SCAPER: variants seen among roughly 807,000 people sequenced by gnomAD.
SCAPER encodes the protein S phase cyclin A-associated protein in the endoplasmic reticulum.
SCAPER carries 98 observed loss-of-function variants against 182.2 expected under a neutral mutation model. The observed-to-expected ratio is 0.54, with a 90% CI of 0.46 to 0.64. The LOEUF (loss-of-function observed/expected upper bound fraction) is 0.64, where lower values mean the gene tolerates loss of function less well. Among genes scored for constraint, SCAPER ranks in the 30% least tolerant of loss-of-function variants. The pLI is 0.00. For synonymous variants in SCAPER, 605 were observed against 564.6 expected, an observed-to-expected ratio of 1.07 and a Z score of -1.01; for missense variants, 1,432 against 1,690.0, an observed-to-expected ratio of 0.85 and a Z score of 2.68.
intron 15 of SCAPER, among the ~76,000 whole-genome samples, chr15:76,733,890 T>C (rs2061075728): frequency 6.6e-6 from 1 of 152,208 alleles, no homozygotes; most frequent in Non-Finnish European, 1.5e-5. Context: ...AAATGGATAA[T>C]AATCCAGTGT....
intron 13 of SCAPER, 61 bp from the exon 14 acceptor site, chr15:76,765,133 G>A: frequency 1.6e-6 from 2 of 1,264,680 alleles, no homozygotes; most frequent in Non-Finnish European, 2.2e-6. Context: ...GCCAGAAAAA[G>A]TGTTCTTTAG....
intron 15 of SCAPER, among the ~76,000 whole-genome samples, chr15:76,748,084 G>A (rs1017429952): frequency 6.6e-6 from 1 of 150,734 alleles, no homozygotes; most frequent in Non-Finnish European, 1.5e-5. Context: ...TCCGCCTCCC[G>A]GGTTCAAGCC....
chr15:76,741,845 C>T (rs769432752), intron 15 of SCAPER, among the ~76,000 whole-genome samples: 29 of 152,060 alleles, frequency 1.9e-4, no homozygotes, highest in Non-Finnish European at 3.8e-4. Flanking sequence ...ATGAGTTCCA[C>T]TCAATACAAG....
At chr15:76,394,939 T>C (rs918182466) in intron 27 of SCAPER, among the ~76,000 whole-genome samples, 2 of 152,202 alleles carry the variant, frequency 1.3e-5, no homozygotes, top group African/African-American at 4.8e-5. Flanking sequence ...TTTAGTCTTA[T>C]TCATTCTAAC....
At chr15:76,720,143 T>C (rs1471232945) in intron 17 of SCAPER, among the ~76,000 whole-genome samples, 1 of 144,328 alleles carries the variant, frequency 6.9e-6, no homozygotes, top group Non-Finnish European at 1.5e-5. Context: ...TGCGTTCTCA[T>C]TATTCAATTC....
intron 8 of SCAPER, among the ~76,000 whole-genome samples, chr15:76,779,347 T>C (rs1193345353): frequency 2.0e-5 from 3 of 152,002 alleles, no homozygotes; most frequent in African/African-American, 7.2e-5. Context: ...ATGTTCACAA[T>C]AGGAATTAAA....
chr15:76,768,990 G>T (rs1439607343), intron 10 of SCAPER, among the ~76,000 whole-genome samples: 1 of 152,156 alleles, frequency 6.6e-6, no homozygotes, highest in African/African-American at 2.4e-5. Flanking sequence ...TATGTTGAGT[G>T]AAAGAAGTCA....
intron 5 of SCAPER, among the ~76,000 whole-genome samples, chr15:76,836,216 A>T (rs2068938065): frequency 6.6e-6 from 1 of 152,176 alleles, no homozygotes; most frequent in African/African-American, 2.4e-5. Flanking sequence ...AATTCAAAAA[A>T]ACTATTCTAA....
At chr15:76,711,314 T>A (rs1028097621) in intron 17 of SCAPER, among the ~76,000 whole-genome samples, 7 of 152,094 alleles carry the variant, frequency 4.6e-5, no homozygotes, top group African/African-American at 1.7e-4. Flanking sequence ...CCAGAACATA[T>A]AAAGAATTCT....
At chr15:76,523,872 T>C (rs533274891) in intron 23 of SCAPER, among the ~76,000 whole-genome samples, 13 of 151,478 alleles carry the variant, frequency 8.6e-5, no homozygotes, top group Non-Finnish European at 1.6e-4. Flanking sequence ...ATCCCAATTG[T>C]TGTGTGTAAC....
chr15:76,417,108 G>A (rs1230428913), intron 26 of SCAPER, among the ~76,000 whole-genome samples: 1 of 151,662 alleles, frequency 6.6e-6, no homozygotes, highest in Non-Finnish European at 1.5e-5. Flanking sequence ...CATTATAAAA[G>A]AGTATTTATA....
chr15:76,681,638 A>G (rs2147000534), intron 20 of SCAPER, among the ~76,000 whole-genome samples: 1 of 152,330 alleles, frequency 6.6e-6, no homozygotes, highest in East Asian at 1.9e-4. Flanking sequence ...ACTGAGAACC[A>G]GGACTGGTTC....
At chr15:76,761,907 T>C (rs2062810432) in intron 14 of SCAPER, among the ~76,000 whole-genome samples, 1 of 152,236 alleles carries the variant, frequency 6.6e-6, no homozygotes, top group Non-Finnish European at 1.5e-5. Flanking sequence ...GTTATTGTAT[T>C]GCTGCCAATT....
At chr15:76,351,175 G>T in intron 31 of SCAPER, 62 bp downstream of exon 31, 1 of 1,440,330 alleles carries the variant, frequency 6.9e-7, no homozygotes, top group Non-Finnish European at 9.5e-7. Flanking sequence ...CCAGAGGAAA[G>T]GATAAGAAAG....
intron 4 of SCAPER, among the ~76,000 whole-genome samples, chr15:76,850,208 A>C (rs1017180025): frequency 1.3e-5 from 2 of 152,358 alleles, no homozygotes; most frequent in African/African-American, 4.8e-5. Context: ...CTATGAAACC[A>C]TCCAGAATGG....
chr15:76,464,616 T>G (rs1162065930), intron 25 of SCAPER, among the ~76,000 whole-genome samples: 1 of 152,184 alleles, frequency 6.6e-6, no homozygotes, highest in Admixed American at 6.5e-5. Context: ...AAGAGTCAAT[T>G]GTATATGCCA....
At chr15:76,543,111 G>A (rs2044925815) in intron 23 of SCAPER, among the ~76,000 whole-genome samples, 1 of 152,036 alleles carries the variant, frequency 6.6e-6, no homozygotes, top group Non-Finnish European at 1.5e-5. Context: ...AATACAGTTT[G>A]TAGAATGTCA....
At chr15:76,723,633 T>A (rs1425671733) in intron 17 of SCAPER, among the ~76,000 whole-genome samples, 2 of 152,248 alleles carry the variant, frequency 1.3e-5, no homozygotes, top group Non-Finnish European at 2.9e-5. Flanking sequence ...GGTGCATGTA[T>A]ATTTAGGATA....
chr15:76,713,259 C>T (rs2059691322), intron 17 of SCAPER, among the ~76,000 whole-genome samples: 1 of 152,042 alleles, frequency 6.6e-6, no homozygotes, highest in Admixed American at 6.6e-5. Context: ...TACCATTTGA[C>T]CCAGCCATCC....
Sources: gnomAD v4.1 joint callset for allele counts (sites outside exome capture counted in the v4.1 genomes callset) on GRCh38, gnomAD v4.1.1 for gene constraint, MANE v1.5 for transcripts, NCBI Gene and HGNC (gene_info 2026-07-23, HGNC 2026-07-21) for gene names.